The following SLC25A46 variants were observed in gnomAD, a reference collection of about 807,000 sequenced individuals.
SLC25A46 encodes mitochondrial outer membrane protein SLC25A46.
A neutral mutation model predicts 44.6 loss-of-function variants in SLC25A46; 39 were observed. The ratio of observed to expected loss-of-function variants is 0.87; its 90% CI spans 0.68 to 1.14. The LOEUF is 1.14. Ranked by LOEUF, SLC25A46 falls within the 50% of genes most tolerant of loss-of-function variation. The pLI, the probability that SLC25A46 is intolerant of heterozygous loss-of-function variation, is 0.00. For synonymous variants in SLC25A46, 202 were observed against 185.8 expected, an observed-to-expected ratio of 1.09 and a Z score of -0.71; for missense variants, 547 against 522.7, an observed-to-expected ratio of 1.05 and a Z score of -0.45.
chr5:110,751,406 A>AT (rs1741240141), intron 5 of SLC25A46, among the ~76,000 whole-genome samples: 1 of 152,210 alleles, frequency 6.6e-6, no homozygotes, highest in Admixed American at 6.5e-5. Flanking sequence ...TAGGAGGTAC[A>AT]TACCAGTTTG....
chr5:110,743,685 TTATCTC>T (rs781100825), intron 2 of SLC25A46, 39 bp from the exon 3 acceptor site: 2 of 1,122,484 alleles, frequency 1.8e-6, no homozygotes, highest in African/African-American at 1.6e-5. Flanking sequence ...TAAATTTAAT[TTATCTC>T]TATGTAGACA....
chr5:110,759,595 T>A (rs1356148104), intron 7 of SLC25A46, among the ~76,000 whole-genome samples: 1 of 50,492 alleles, frequency 2.0e-5, no homozygotes, highest in East Asian at 5.4e-4. Flanking sequence ...TGGTTGGTGC[T>A]AAGTAAGCAA....
At chr5:110,757,781 A>G (rs561319380) in intron 7 of SLC25A46, among the ~76,000 whole-genome samples, 5 of 152,212 alleles carry the variant, frequency 3.3e-5, no homozygotes, top group Admixed American at 2.6e-4. Context: ...AAGGTAAGGG[A>G]AAAATGTCAG....
intron 5 of SLC25A46, chr5:110,754,182 T>G (rs1173045386): frequency 6.6e-6 from 1 of 151,974 alleles, no homozygotes; most frequent in Non-Finnish European, 1.5e-5. Flanking sequence ...TTTTTCAAAT[T>G]CAGTCATGTG....
chr5:110,738,447 TG>T (rs935449365), upstream of SLC25A46, among the ~76,000 whole-genome samples: 6 of 152,150 alleles, frequency 3.9e-5, no homozygotes, highest in African/African-American at 1.4e-4. Flanking sequence ...TTCGAGTACG[TG>T]GGTTTCTTTC....
chr5:110,738,172 G>A (rs894056535), upstream of SLC25A46: 139 of 1,259,460 alleles, frequency 1.1e-4, no homozygotes, highest in Non-Finnish European at 1.4e-4. Context: ...AAGGAACATA[G>A]GATGAAACCA....
chr5:110,744,430 T>C (rs1799766038), intron 3 of SLC25A46, among the ~76,000 whole-genome samples: 1 of 152,246 alleles, frequency 6.6e-6, no homozygotes, highest in Non-Finnish European at 1.5e-5. Context: ...TGAATAGATA[T>C]TTTTACTTAT....
rs6884604 is a variant in SLC25A46, at chr5:110,748,453, T to C, written c.563+190T>C. On this transcript the variant is annotated intron_variant, in intron 5 of 7. Transcript: ENST00000355943. ...CCCAATAGGTAGCTTTCAACCCTTGTCCCCATCCCTCCCCTATTATATTGT... is the reference window on the plus strand; with the variant it reads ...CCCAATAGGTAGCTTTCAACCCTTGCCCCCATCCCTCCCCTATTATATTGT... Among the ~76,000 whole-genome samples the C allele has an allele frequency of 0.08, 12,216 of 152,108 alleles. 504 individuals carry two copies. Among genetic ancestry groups the C allele is most frequent in the Middle Eastern group, 0.099 (29 of 294 alleles).
At chr5:110,742,522 G>A (rs906419392) in intron 2 of SLC25A46, among the ~76,000 whole-genome samples, 12 of 151,928 alleles carry the variant, frequency 7.9e-5, no homozygotes, top group Admixed American at 2.6e-4. Context: ...TGTAACTGAC[G>A]TGTCATTTCC....
intron 6 of SLC25A46, 143 bp from the exon 7 acceptor site, chr5:110,756,559 C>G: frequency 2.0e-6 from 1 of 504,690 alleles, no homozygotes; most frequent in Non-Finnish European, 3.5e-6. Flanking sequence ...TATTTTTAGG[C>G]TGTAGGTATT....
At chr5:110,742,016 AT>A (rs757943359) in intron 1 of SLC25A46, 30 bp from the exon 2 acceptor site, 7 of 1,447,376 alleles carry the variant, frequency 4.8e-6, no homozygotes, top group East Asian at 2.5e-5. Context: ...CAGTAATCTT[AT>A]TTTTTTATTT....
intron 5 of SLC25A46, among the ~76,000 whole-genome samples, chr5:110,750,742 C>A (rs1799948236): frequency 6.6e-6 from 1 of 152,014 alleles, no homozygotes; most frequent in South Asian, 2.1e-4. Context: ...TCCGTAGTTG[C>A]CTGAATCCAT....
rs1800091840 is a variant in SLC25A46 at position 110,755,589 on chromosome 5, C to A, written c.620+68C>A. ...ATTTTTATAGTATTAGAACTGGAAA[C>A]AAATCTTATTAAATAACTGTAGAGA... On this transcript the variant is annotated intron_variant, in intron 6 of 7. Coordinates refer to ENST00000355943, the MANE Select transcript of SLC25A46 (RefSeq NM_138773.4). 4 of 972,826 alleles carry A rather than the reference C, an allele frequency of 4.1e-6. No individual in the cohort carries two copies. In the South Asian group the frequency reaches 6.6e-5, roughly 16 times the overall value. 60.3% of individuals were successfully genotyped at this position (972,826 alleles called of 1,614,324 possible).
At position 110,743,728 on chromosome 5, in the gene SLC25A46, A is replaced by G; in HGVS notation, c.327-2A>G. The stretch of plus-strand genomic sequence containing the variant: ...ACATATACATAAATTATTTTTATAT[A>G]GTCTCTTTACAGAAAATGTATTGGC... On this transcript the variant is annotated splice_acceptor_variant, in intron 2 of 7. Transcript: ENST00000355943. LOFTEE classifies it high-confidence loss of function. 3.2e-6 allele frequency: 5 copies of G among 1,575,490 alleles called. No homozygotes were observed. Among genetic ancestry groups the G allele is most frequent in the Non-Finnish European group, 4.3e-6 (5 of 1,152,088 alleles).
chr5:110,764,097 G>A lies in SLC25A46; in HGVS notation c.*2315G>A, dbSNP rs1268865905. Reference sequence around the variant, plus strand: ...GCTCAAAATAATATTTTTTAATTCAGTAGAACTAATAGCATTATGGAAAAG... The same window carrying A: ...GCTCAAAATAATATTTTTTAATTCAATAGAACTAATAGCATTATGGAAAAG... On this transcript the variant is annotated 3_prime_UTR_variant, in exon 8 of 8. Coordinates refer to ENST00000355943, the MANE Select transcript of SLC25A46 (RefSeq NM_138773.4). The A allele has an allele frequency of 6.6e-6, 1 of 151,654 alleles. No individual in the cohort carries two copies. Among genetic ancestry groups the A allele is most frequent in the Non-Finnish European group, 1.5e-5 (1 of 67,828 alleles). 9.4% of individuals were successfully genotyped at this position (151,654 alleles called of 1,614,324 possible). A position where few individuals can be genotyped will look rare whatever the true frequency, so the allele number is the denominator to read the frequency against.
In SLC25A46 at chr5:110,743,777, GC is replaced by G. The variant is rs1561600765; in HGVS notation, c.376del (p.Gln126AsnfsTer54). The G allele has an allele frequency of 6.2e-7, 1 of 1,602,408 alleles. No individual in the cohort carries two copies. On this transcript the variant is annotated frameshift_variant, in exon 3 of 8. Transcript: ENST00000355943. LOFTEE classifies it high-confidence loss of function. ...GCACATCCTTGCATTGTTCTACGCC[GC>G]CAATGTCAGGTAAATGTAATTTCTG... is the stretch of plus-strand genomic sequence containing the variant. ...VLAHPCIVLR[R>X]QCQVNYHAQH...
chr5:110,739,420 C>A lies in SLC25A46; in HGVS notation c.283+18C>A. The A allele has an allele frequency of 6.5e-7, 1 of 1,535,208 alleles. No homozygotes were observed. Among genetic ancestry groups the A allele is most frequent in the Non-Finnish European group, 8.7e-7 (1 of 1,146,806 alleles). On this transcript the variant is annotated intron_variant, in intron 1 of 7. Coordinates refer to ENST00000355943, the MANE Select transcript of SLC25A46 (RefSeq NM_138773.4). ...GAGCAGTGGTGAGAAGCATGGGGACCGACACAGGGATGAGGGGTTACTGGG... is the reference window on the plus strand; with the variant it reads ...GAGCAGTGGTGAGAAGCATGGGGACAGACACAGGGATGAGGGGTTACTGGG...
Position 110,755,449 on chromosome 5 carries a change from TA to T in SLC25A46, c.564-15del, listed in dbSNP as rs1290209668. Reference sequence around the variant, plus strand: ...ACATGGCTTTTGTTTTATTTAAGTTTATTTTTATGTTTTAGGGAGGTTTTAC... The same window carrying T: ...ACATGGCTTTTGTTTTATTTAAGTTTTTTTTATGTTTTAGGGAGGTTTTAC... On this transcript the variant is annotated splice_polypyrimidine_tract_variant and intron_variant, in intron 5 of 7. Transcript: ENST00000355943. 2 of 1,489,700 alleles carry T rather than the reference TA, an allele frequency of 1.3e-6. No homozygotes were observed. The highest frequency in any genetic ancestry group is 2.8e-5 in the African/African-American group (2 of 70,662). The allele number at this position is 1,489,700 out of a possible 1,614,324, so 92.3% of individuals were successfully genotyped here.
intron 2 of SLC25A46, among the ~76,000 whole-genome samples, chr5:110,743,129 A>G (rs1022617229): frequency 4.6e-5 from 7 of 151,992 alleles, no homozygotes; most frequent in Non-Finnish European, 1.0e-4. Flanking sequence ...TGTATATGTC[A>G]CTCTGAGACC....
Sources: allele counts gnomAD v4.1 joint callset (sites outside exome capture counted in the v4.1 genomes callset), GRCh38; gene constraint gnomAD v4.1.1; transcripts MANE v1.5; gene names NCBI Gene and HGNC (gene_info 2026-07-23, HGNC 2026-07-21).